The following SLC9A7 variants were observed in gnomAD, a reference collection of about 807,000 sequenced individuals.
The protein encoded by SLC9A7 is sodium/hydrogen exchanger 7.
SLC9A7 carries 19 observed loss-of-function variants against 52.6 expected under a neutral mutation model. The ratio of observed to expected loss-of-function variants is 0.36; its 90% CI spans 0.25 to 0.53. The LOEUF (loss-of-function observed/expected upper bound fraction) is 0.53. SLC9A7 is among the 20% of genes least tolerant of loss of function. The pLI is 0.91. For missense variants in SLC9A7, 455 were observed against 597.9 expected, an observed-to-expected ratio of 0.76 and a Z score of 2.49; for synonymous variants, 226 against 252.1, an observed-to-expected ratio of 0.90 and a Z score of 0.98.
chrX:46,604,297 T>C lies in SLC9A7; in HGVS notation c.*2655A>G, dbSNP rs1387895589. ...ATTCTTAAGTCCTTCACTAGCCTAG[T>C]TGACCCTGAGGGCTCATGGGTTTGG... On this transcript the variant is annotated 3_prime_UTR_variant, in exon 17 of 17. Transcript: ENST00000616978. 1 of 112,416 alleles carries C rather than the reference T, an allele frequency of 8.9e-6. No individual in the cohort carries two copies. Among genetic ancestry groups the C allele is most frequent in the Non-Finnish European group, 1.9e-5 (1 of 53,318 alleles). The allele number at this position is 112,416 out of a possible 1,213,427, so 9.3% of individuals were successfully genotyped here. A position where few individuals can be genotyped will look rare whatever the true frequency, so the allele number is the denominator to read the frequency against.
At chrX:46,758,679 G>A in intron 1 of SLC9A7, 26 bp downstream of exon 1, 1 of 1,074,935 alleles carries the variant, frequency 9.3e-7, no homozygotes, top group East Asian at 3.5e-5. Context: ...GGTGTGGAGG[G>A]CGGGGGGTGT....
intron 11 of SLC9A7, among the ~76,000 whole-genome samples, chrX:46,644,721 C>T (rs1943461043): frequency 9.0e-6 from 1 of 110,816 alleles, no homozygotes; most frequent in South Asian, 3.7e-4. Flanking sequence ...GACTGTATAA[C>T]ATGCGAGAGA....
intron 11 of SLC9A7, chrX:46,646,992 G>T: frequency 3.0e-6 from 1 of 337,003 alleles, no homozygotes. Context: ...GGACATCACA[G>T]GAGCGCCTCC....
rs890303433 is a variant in SLC9A7 at position 46,602,933 on chromosome X, A to G, written c.*4019T>C. 8.9e-6 allele frequency: 1 copy of G among 112,689 alleles called. No homozygotes were observed. Among genetic ancestry groups the G allele is most frequent in the Non-Finnish European group, 1.9e-5 (1 of 53,359 alleles). 9.3% of individuals were successfully genotyped at this position (112,689 alleles called of 1,213,427 possible). ...CAAACAAAAATTAGGACCAAAGGTC[A>G]AAAATTAGGACCAAAGTGCCTTACT... On this transcript the variant is annotated 3_prime_UTR_variant, in exon 17 of 17. Transcript: ENST00000616978.
intron 1 of SLC9A7, among the ~76,000 whole-genome samples, chrX:46,745,333 T>C (rs5952397): frequency 0.02 from 2,274 of 111,880 alleles, 51 homozygotes; most frequent in African/African-American, 0.069. Flanking sequence ...ATCTCCATTT[T>C]GCCTAACTTG....
At chrX:46,621,828 A>G (rs940052570) in intron 14 of SLC9A7, among the ~76,000 whole-genome samples, 3 of 112,224 alleles carry the variant, frequency 2.7e-5, no homozygotes, top group Admixed American at 9.4e-5. Flanking sequence ...GACTGCAGCA[A>G]TTTGAGGGTA....
At chrX:46,751,115 A>G (rs1922208034) in intron 1 of SLC9A7, among the ~76,000 whole-genome samples, 1 of 111,769 alleles carries the variant, frequency 8.9e-6, no homozygotes, top group South Asian at 3.7e-4. Context: ...GAACATTTCC[A>G]GGCTTAGCAC....
At chrX:46,747,330 G>A (rs1385650604) in intron 1 of SLC9A7, among the ~76,000 whole-genome samples, 1 of 111,410 alleles carries the variant, frequency 9.0e-6, no homozygotes, top group African/African-American at 3.3e-5. Context: ...AATATTTAAG[G>A]TGATGGGCAT....
intron 1 of SLC9A7, among the ~76,000 whole-genome samples, chrX:46,706,249 C>G (rs1602252622): frequency 1.0e-5 from 1 of 96,933 alleles, no homozygotes; most frequent in Non-Finnish European, 2.1e-5. Flanking sequence ...AAAGTAATGG[C>G]AAAAGCCGCA....
At position 46,662,003 on chromosome X, in the gene SLC9A7, A is replaced by C. The variant is rs1437413279; in HGVS notation, c.1041+13T>G. On this transcript the variant is annotated intron_variant, in intron 7 of 16. Transcript: ENST00000616978. ...GCATACCCAGGCCCGAGCTGAAACT[A>C]CAAAAAGGATATTAGAGCAGTCACA... 1.7e-6 allele frequency: 2 copies of C among 1,179,182 alleles called. No homozygotes were observed. The highest frequency in any genetic ancestry group is 1.1e-6 in the Non-Finnish European group (1 of 879,275).
At chrX:46,661,690 C>G (rs1226755627) in intron 7 of SLC9A7, among the ~76,000 whole-genome samples, 1 of 111,927 alleles carries the variant, frequency 8.9e-6, no homozygotes, top group East Asian at 2.8e-4. Context: ...GCCAGTAGTC[C>G]CTAATTCTCA....
intron 1 of SLC9A7, among the ~76,000 whole-genome samples, chrX:46,735,657 A>G (rs1945110330): frequency 9.0e-6 from 1 of 111,606 alleles, no homozygotes; most frequent in African/African-American, 3.3e-5. Flanking sequence ...TTTCTTGTAG[A>G]GTGGGTCTGC....
At chrX:46,692,449 C>G (rs1397442952) in intron 1 of SLC9A7, among the ~76,000 whole-genome samples, 2 of 111,420 alleles carry the variant, frequency 1.8e-5, no homozygotes, top group East Asian at 5.6e-4. Context: ...ATACCTAAGG[C>G]ATGTCTACAG....
rs782376640 is a variant in SLC9A7, at chrX:46,757,745, C to T, written c.325+960G>A. 2.3e-4 allele frequency among the ~76,000 whole-genome samples: 15 copies of T among 66,090 alleles called. No homozygotes were observed. The East Asian group carries it at 7.5e-3, about 33-fold the overall frequency. 57.4% of individuals were successfully genotyped at this position (66,090 alleles called of 115,157 possible). A position where few individuals can be genotyped will look rare whatever the true frequency, so the allele number is the denominator to read the frequency against. On this transcript the variant is annotated intron_variant, in intron 1 of 16. Coordinates refer to ENST00000616978, the MANE Select transcript of SLC9A7 (RefSeq NM_001257291.2). ...CTCCACTTTGGAGTCATGGGCAGGG[C>T]GAGGGGGGAGGCAGGGGGCACAGAA...
intron 14 of SLC9A7, among the ~76,000 whole-genome samples, chrX:46,624,069 G>A (rs1943084814): frequency 8.9e-6 from 1 of 112,362 alleles, no homozygotes; most frequent in Non-Finnish European, 1.9e-5. Context: ...CAATTTGGAG[G>A]GCTTCCAAGT....
chrX:46,753,922 C>T (rs1026494344), intron 1 of SLC9A7, among the ~76,000 whole-genome samples: 1 of 109,835 alleles, frequency 9.1e-6, no homozygotes, highest in Non-Finnish European at 1.9e-5. Context: ...GGAGGCGGAG[C>T]TTGCAGTGAG....
intron 1 of SLC9A7, among the ~76,000 whole-genome samples, chrX:46,711,480 T>C (rs190918751): frequency 9.0e-6 from 1 of 111,674 alleles, no homozygotes; most frequent in Admixed American, 9.5e-5. Context: ...CTGTATTTCC[T>C]CCTTCCCTGG....
chrX:46,756,031 G>C (rs1922642678), intron 1 of SLC9A7, among the ~76,000 whole-genome samples: 4 of 109,251 alleles, frequency 3.7e-5, no homozygotes, highest in South Asian at 7.7e-4. Flanking sequence ...TATCTTAAAT[G>C]TAAACGCTGT....
At chrX:46,734,036 C>A (rs1170463531) in intron 1 of SLC9A7, among the ~76,000 whole-genome samples, 1 of 112,068 alleles carries the variant, frequency 8.9e-6, no homozygotes, top group Non-Finnish European at 1.9e-5. Flanking sequence ...AACCTTAGCA[C>A]CACTGAAATT....
Sources: gnomAD v4.1 joint callset for allele counts (sites outside exome capture counted in the v4.1 genomes callset) on GRCh38, gnomAD v4.1.1 for gene constraint, MANE v1.5 for transcripts, NCBI Gene and HGNC (gene_info 2026-07-23, HGNC 2026-07-21) for gene names.